Variants in DCLK1 observed in about 807,000 individuals in gnomAD.
The protein encoded by DCLK1 is doublecortin like kinase 1.
Under a neutral mutation model 86.2 loss-of-function variants are expected in DCLK1, and 16 were observed. The observed-to-expected ratio is 0.19, with a 90% confidence interval of 0.13 to 0.28. The LOEUF is 0.28. Among genes scored for constraint, DCLK1 ranks in the 10% least tolerant of loss-of-function variants. The probability of loss-of-function intolerance (pLI) is 1.00; values close to 1 mark genes in which losing one functional copy is unlikely to be tolerated. For synonymous variants in DCLK1, 369 were observed against 370.5 expected (o/e 1.00, Z 0.05); for missense variants, 590 against 940.2 (o/e 0.63, Z 4.87).
At chr13:36,110,691 C>A (rs1177204629) in intron 3 of DCLK1, among the ~76,000 whole-genome samples, 1 of 151,984 alleles carries the variant, frequency 6.6e-6, no homozygotes, top group East Asian at 1.9e-4. Flanking sequence ...TTCAAATTAT[C>A]CCTCAAAAAA....
At chr13:36,102,025 G>A (rs1278018942) in intron 3 of DCLK1, among the ~76,000 whole-genome samples, 1 of 152,124 alleles carries the variant, frequency 6.6e-6, no homozygotes, top group Admixed American at 6.5e-5. Context: ...TTACAGGCAT[G>A]AGCCACCGCA....
intron 16 of DCLK1, among the ~76,000 whole-genome samples, chr13:35,792,370 T>G (rs35793034): frequency 0.014 from 2,084 of 152,266 alleles, 27 homozygotes; most frequent in South Asian, 0.032. Flanking sequence ...TCTTCAGTTT[T>G]TTTTTAGAGC....
intron 4 of DCLK1, among the ~76,000 whole-genome samples, chr13:35,929,235 C>T (rs1438458267): frequency 6.6e-6 from 1 of 152,168 alleles, no homozygotes; most frequent in Admixed American, 6.6e-5. Flanking sequence ...CTTCTAACTT[C>T]TAATGGTATT....
chr13:35,828,187 ATCTT>A (rs1245634228), intron 9 of DCLK1, 59 bp downstream of exon 9: 6 of 1,356,234 alleles, frequency 4.4e-6, no homozygotes, highest in Non-Finnish European at 5.2e-6. Context: ...TTTGGGAGTG[ATCTT>A]TGTGTTTCTT....
chr13:35,973,378 T>G (rs1389018306), intron 3 of DCLK1, among the ~76,000 whole-genome samples: 2 of 152,156 alleles, frequency 1.3e-5, no homozygotes, highest in African/African-American at 4.8e-5. Context: ...TTTTCAGGAC[T>G]CAGAGCAGGG....
chr13:35,828,636 C>G (rs961398553), intron 8 of DCLK1, among the ~76,000 whole-genome samples: 2 of 152,136 alleles, frequency 1.3e-5, no homozygotes, highest in East Asian at 3.9e-4. Context: ...CCTTTTCTTA[C>G]TGTTGGAAAA....
upstream of DCLK1, among the ~76,000 whole-genome samples, chr13:36,131,485 C>T (rs904446962): frequency 1.3e-5 from 2 of 152,096 alleles, no homozygotes; most frequent in Admixed American, 6.5e-5. Flanking sequence ...CCGTCGCCCC[C>T]GCCCTTCTTG....
chr13:36,043,247 T>C (rs1014485674), intron 3 of DCLK1, among the ~76,000 whole-genome samples: 15 of 151,486 alleles, frequency 9.9e-5, no homozygotes, highest in African/African-American at 3.2e-4. Flanking sequence ...AGTTAAGACA[T>C]TACATCCACA....
intron 5 of DCLK1, among the ~76,000 whole-genome samples, chr13:35,865,867 G>C (rs1327548863): frequency 6.6e-6 from 1 of 152,160 alleles, no homozygotes; most frequent in African/African-American, 2.4e-5. Context: ...TCAGGAAGTT[G>C]GGGTAAATCA....
intron 10 of DCLK1, among the ~76,000 whole-genome samples, chr13:35,825,305 C>T (rs1365566494): frequency 2.0e-5 from 3 of 152,126 alleles, no homozygotes; most frequent in African/African-American, 7.2e-5. Context: ...TCGAGCTGTC[C>T]TCAGGGCGTT....
At chr13:36,007,798 G>T (rs1304714768) in intron 3 of DCLK1, among the ~76,000 whole-genome samples, 1 of 152,034 alleles carries the variant, frequency 6.6e-6, no homozygotes, top group Non-Finnish European at 1.5e-5. Flanking sequence ...AAACTGATTT[G>T]TTCTAAAGAG....
chr13:35,827,801 G>A (rs1209741737), intron 9 of DCLK1, 47 bp from the exon 10 acceptor site: 2 of 1,607,598 alleles, frequency 1.2e-6, no homozygotes, highest in Non-Finnish European at 1.7e-6. Flanking sequence ...AAAACATGTG[G>A]AGGGCTAACT....
At chr13:36,045,370 A>ATCTATCTATC (rs1184419239) in intron 3 of DCLK1, among the ~76,000 whole-genome samples, 10 of 133,158 alleles carry the variant, frequency 7.5e-5, no homozygotes, top group African/African-American at 2.8e-4. Context: ...ATATATATAT[A>ATCTATCTATC]TATATATTTC....
chr13:35,871,290 G>A lies in DCLK1; in HGVS notation c.874C>T (p.Arg292Cys), dbSNP rs1268441796. The change falls in exon 5 of 17, where the codon CGC becomes TGC. Residue 292 changes from arginine to cysteine, a missense_variant. Physicochemically the swap from Arg to Cys is radical, Grantham distance 180. Coordinates refer to ENST00000360631, the MANE Select transcript of DCLK1 (RefSeq NM_001330071.2). Reference sequence around the variant, plus strand: ...CCTGGGCTCTTGGTGGTGCTCCTGCGGGATGATGAAGCTATTTTGGTGTAA... The same window carrying A: ...CCTGGGCTCTTGGTGGTGCTCCTGCAGGATGATGAAGCTATTTTGGTGTAA... ...TSYTKIASSS[R>C]RSTTKSPGPS... 2.2e-5 allele frequency: 36 copies of A among 1,613,832 alleles called. No homozygotes were observed. Among genetic ancestry groups the A allele is most frequent in the East Asian group, 4.5e-5 (2 of 44,870 alleles).
chr13:35,804,937 G>A (rs765011335), intron 15 of DCLK1, among the ~76,000 whole-genome samples: 37 of 152,160 alleles, frequency 2.4e-4, no homozygotes, highest in Admixed American at 4.6e-4. Flanking sequence ...TAGAATCTGC[G>A]TTTTAACAGG....
intron 3 of DCLK1, among the ~76,000 whole-genome samples, chr13:36,073,207 C>G (rs1366110255): frequency 6.6e-6 from 1 of 152,198 alleles, no homozygotes; most frequent in Non-Finnish European, 1.5e-5. Flanking sequence ...CTTTCATCAC[C>G]TTGGAAAGAG....
At chr13:35,919,901 CG>C (rs948571914) in intron 4 of DCLK1, among the ~76,000 whole-genome samples, 1 of 17,474 alleles carries the variant, frequency 5.7e-5, no homozygotes, top group East Asian at 1.8e-3. Flanking sequence ...AGCACTCTTG[CG>C]GGGGGGTGGG....
intron 3 of DCLK1, among the ~76,000 whole-genome samples, chr13:36,107,759 T>C (rs1224170273): frequency 6.6e-6 from 1 of 152,158 alleles, no homozygotes; most frequent in African/African-American, 2.4e-5. Flanking sequence ...CAGATTTGCT[T>C]TTCCATAAAA....
chr13:35,866,906 G>C (rs1438926695), intron 5 of DCLK1, among the ~76,000 whole-genome samples: 1 of 152,218 alleles, frequency 6.6e-6, no homozygotes, highest in Non-Finnish European at 1.5e-5. Flanking sequence ...AAGAGCTATA[G>C]TTGAGTAGGG....
Sources: allele counts gnomAD v4.1 joint callset (sites outside exome capture counted in the v4.1 genomes callset), GRCh38; gene constraint gnomAD v4.1.1; transcripts MANE v1.5; gene names NCBI Gene and HGNC (gene_info 2026-07-23, HGNC 2026-07-21).